The following GDAP1L1 variants were observed in gnomAD, a reference collection of about 807,000 sequenced individuals.
GDAP1L1 encodes the protein ganglioside induced differentiation associated protein 1 like 1, also known as ganglioside-induced differentiation-associated protein 1-like 1.
In GDAP1L1, 21 loss-of-function variants were observed where a neutral mutation model predicts 37.1. The observed-to-expected ratio is 0.57, with a 90% confidence interval of 0.40 to 0.81. The LOEUF (loss-of-function observed/expected upper bound fraction) is 0.81, where lower values mean the gene tolerates loss of function less well. Ranked by LOEUF, GDAP1L1 falls within the 40% of genes least tolerant of loss-of-function variation. The pLI is 0.00. For missense variants in GDAP1L1, 362 were observed against 491.6 expected (o/e 0.74, Z 2.49); for synonymous variants, 193 against 209.1 (o/e 0.92, Z 0.67).
At chr20:44,277,393 C>T (rs533789774) in intron 5 of GDAP1L1, among the ~76,000 whole-genome samples, 20 of 152,280 alleles carry the variant, frequency 1.3e-4, no homozygotes, top group Admixed American at 9.8e-4. Flanking sequence ...GGGGGAACAG[C>T]GAGGGCAAAG....
chr20:44,258,140 T>G, intron 2 of GDAP1L1: 2 of 717,330 alleles, frequency 2.8e-6, no homozygotes, highest in Non-Finnish European at 5.2e-6. Context: ...ACCCAAGCAT[T>G]GAGCACCCAG....
chr20:44,277,233 C>T (rs1223265092), intron 5 of GDAP1L1, among the ~76,000 whole-genome samples: 1 of 152,136 alleles, frequency 6.6e-6, no homozygotes, highest in Non-Finnish European at 1.5e-5. Flanking sequence ...TCCCAAAGTG[C>T]TGGGATTACA....
chr20:44,267,592 C>G (rs2062467772), intron 5 of GDAP1L1, among the ~76,000 whole-genome samples: 1 of 148,268 alleles, frequency 6.7e-6, no homozygotes, highest in Non-Finnish European at 1.5e-5. Flanking sequence ...GCCTAGGCAC[C>G]AGAGCAAGAC....
Position 44,279,350 on chromosome 20 carries a change from G to GATTCCCCGTGAGCTCTCC in GDAP1L1, c.*67_*68insCATTCCCCGTGAGCTCTC. On this transcript the variant is annotated 3_prime_UTR_variant, in exon 6 of 6. Coordinates refer to ENST00000342560, the MANE Select transcript of GDAP1L1 (RefSeq NM_024034.6). ...GACTGTCGGTGTCTCTGTGCTGTGT[G>GATTCCCCGTGAGCTCTCC]ATTCCCCGTGAGCTCTCAGTAACTC... 1 of 1,196,824 alleles carries GATTCCCCGTGAGCTCTCC rather than the reference G, an allele frequency of 8.4e-7. No individual in the cohort carries two copies. The allele number at this position is 1,196,824 out of a possible 1,614,324, so 74.1% of individuals were successfully genotyped here. A position where few individuals can be genotyped will look rare whatever the true frequency, so the allele number is the denominator to read the frequency against.
chr20:44,264,744 G>A (rs751139976), intron 5 of GDAP1L1, 185 bp downstream of exon 5: 63 of 1,318,894 alleles, frequency 4.8e-5, no homozygotes, highest in African/African-American at 7.5e-5. Context: ...AGTAAATGTG[G>A]TCAGGTTCTC....
In GDAP1L1 at chr20:44,279,451, C is replaced by A. The variant is rs1317638052; in HGVS notation, c.*151C>A. 2.8e-6 allele frequency: 2 copies of A among 711,496 alleles called. No individual in the cohort carries two copies. The highest frequency in any genetic ancestry group is 5.2e-6 in the Non-Finnish European group (2 of 386,228). 44.1% of individuals were successfully genotyped at this position (711,496 alleles called of 1,614,324 possible). A position where few individuals can be genotyped will look rare whatever the true frequency, so the allele number is the denominator to read the frequency against. Reference sequence around the variant, plus strand: ...TAATACCGTCAGTGTGAAAACATTCCGTAGTTTAGAAGTAGACGTTGCCAA... The same window carrying A: ...TAATACCGTCAGTGTGAAAACATTCAGTAGTTTAGAAGTAGACGTTGCCAA... On this transcript the variant is annotated 3_prime_UTR_variant, in exon 6 of 6. Coordinates refer to ENST00000342560, the MANE Select transcript of GDAP1L1 (RefSeq NM_024034.6).
chr20:44,257,423 C>T (rs957778612), intron 2 of GDAP1L1, 78 bp downstream of exon 2: 19 of 1,384,686 alleles, frequency 1.4e-5, no homozygotes, highest in Middle Eastern at 1.8e-4. Flanking sequence ...GACGGGGTCC[C>T]AGAACTTTGG....
At position 44,263,328 on chromosome 20, in the gene GDAP1L1, G is replaced by A. The variant is rs763946943; in HGVS notation, c.645+1G>A. ...CCTTTCTAAACAAAAGAAGCTCATG[G>A]TGAGTACCTCCCGGCCTGCTGAGTC... is the stretch of plus-strand genomic sequence containing the variant. On this transcript the variant is annotated splice_donor_variant, in intron 4 of 5. Transcript: ENST00000342560. LOFTEE classifies it high-confidence loss of function. 3 of 1,607,532 alleles carry A rather than the reference G, an allele frequency of 1.9e-6. No individual in the cohort carries two copies. In the African/African-American group the frequency reaches 4.0e-5, roughly 21 times the overall value.
chr20:44,268,574 A>T (rs2062479991), intron 5 of GDAP1L1, among the ~76,000 whole-genome samples: 1 of 152,210 alleles, frequency 6.6e-6, no homozygotes, highest in Admixed American at 6.5e-5. Context: ...AGAATTGCAC[A>T]CAGCGATAAG....
Position 44,258,620 on chromosome 20 carries a change from G to A in GDAP1L1, c.547+13G>A. On this transcript the variant is annotated intron_variant, in intron 3 of 5. Coordinates refer to ENST00000342560, the MANE Select transcript of GDAP1L1 (RefSeq NM_024034.6). ...GCCGAGATCCGCAGTGAGTGCCAGG[G>A]CGGCGAGACAGCCCCTCTGCTTTCC... is the stretch of plus-strand genomic sequence containing the variant. 1 of 1,583,204 alleles carries A rather than the reference G, an allele frequency of 6.3e-7. No individual in the cohort carries two copies. Among genetic ancestry groups the A allele is most frequent in the Non-Finnish European group, 8.6e-7 (1 of 1,162,280 alleles).
rs1358011158 is a variant in GDAP1L1, at chr20:44,247,574, C to G, written c.180+60C>G. The G allele has an allele frequency of 2.8e-6, 4 of 1,425,480 alleles. No individual in the cohort carries two copies. The African/African-American group carries it at 5.8e-5, about 21-fold the overall frequency. 88.3% of individuals were successfully genotyped at this position (1,425,480 alleles called of 1,614,324 possible). The stretch of plus-strand genomic sequence containing the variant: ...CCAGGAAGCTTGGGGAGGGGAGCCC[C>G]AGGGCTTGAGGGATCTGAGGGCGGC... On this transcript the variant is annotated intron_variant, in intron 1 of 5. Coordinates refer to ENST00000342560, the MANE Select transcript of GDAP1L1 (RefSeq NM_024034.6).
chr20:44,276,709 G>T (rs2062586548), intron 5 of GDAP1L1, among the ~76,000 whole-genome samples: 2 of 143,720 alleles, frequency 1.4e-5, no homozygotes, highest in South Asian at 4.5e-4. Context: ...AGCACCTATT[G>T]TATGCCAGGC....
At chr20:44,261,013 C>A (rs1398477302) in intron 3 of GDAP1L1, among the ~76,000 whole-genome samples, 1 of 152,202 alleles carries the variant, frequency 6.6e-6, no homozygotes, top group Non-Finnish European at 1.5e-5. Flanking sequence ...ATTAGGGGCA[C>A]TCTCCCTCAA....
At chr20:44,262,184 T>G (rs2146019838) in intron 3 of GDAP1L1, among the ~76,000 whole-genome samples, 1 of 148,670 alleles carries the variant, frequency 6.7e-6, no homozygotes, top group African/African-American at 2.5e-5. Flanking sequence ...CTGGTAGGGG[T>G]GGGGAGAAGG....
At chr20:44,248,259 G>A (rs1568644461) in intron 1 of GDAP1L1, among the ~76,000 whole-genome samples, 1 of 152,238 alleles carries the variant, frequency 6.6e-6, no homozygotes, top group Non-Finnish European at 1.5e-5. Context: ...TGGGGGTAAG[G>A]CTGTGAACTG....
chr20:44,257,149 G>A lies in GDAP1L1; in HGVS notation c.181-4G>A. On this transcript the variant is annotated splice_region_variant and splice_polypyrimidine_tract_variant and intron_variant, in intron 1 of 5. Transcript: ENST00000342560. Reference sequence around the variant, plus strand: ...CTTCCCCGCTCTGACCCTGGCGCCTGCAGGTGCGGCTGGTGATCGCCGAGA... The same window carrying A: ...CTTCCCCGCTCTGACCCTGGCGCCTACAGGTGCGGCTGGTGATCGCCGAGA... The A allele has an allele frequency of 1.3e-6, 2 of 1,582,480 alleles. No homozygotes were observed. Among genetic ancestry groups the A allele is most frequent in the South Asian group, 1.1e-5 (1 of 87,648 alleles).
In GDAP1L1 at chr20:44,279,222, C is replaced by A. The variant is rs201869807; in HGVS notation, c.1026C>A (p.Phe342Leu). 6.2e-7 allele frequency: 1 copy of A among 1,614,116 alleles called. No homozygotes were observed. Among genetic ancestry groups the A allele is most frequent in the East Asian group, 2.2e-5 (1 of 44,880 alleles). Reference protein sequence around the residue: ...RLVKRKPPSFFGASFLMGSLG... With the variant: ...RLVKRKPPSFLGASFLMGSLG... Reference sequence around the variant, plus strand: ...TCAAGAGGAAACCCCCATCCTTCTTCGGGGCGTCCTTCCTCATGGGCTCCC... The same window carrying A: ...TCAAGAGGAAACCCCCATCCTTCTTAGGGGCGTCCTTCCTCATGGGCTCCC... Residue 342 changes from phenylalanine (F) to leucine (L), a missense_variant, in exon 6 of 6, where the codon TTC becomes TTA. Coordinates refer to ENST00000342560, the MANE Select transcript of GDAP1L1 (RefSeq NM_024034.6).
At chr20:44,274,095 G>A (rs950931692) in intron 5 of GDAP1L1, among the ~76,000 whole-genome samples, 1 of 152,076 alleles carries the variant, frequency 6.6e-6, no homozygotes, top group African/African-American at 2.4e-5. Flanking sequence ...GATGAAATAC[G>A]GTAGTATATA....
chr20:44,251,870 C>T (rs987816720), intron 1 of GDAP1L1, among the ~76,000 whole-genome samples: 46 of 152,126 alleles, frequency 3.0e-4, no homozygotes, highest in African/African-American at 9.2e-4. Flanking sequence ...TATTGAAGTA[C>T]GGCGTTATAT....
Sources: allele counts gnomAD v4.1 joint callset (sites outside exome capture counted in the v4.1 genomes callset), GRCh38; gene constraint gnomAD v4.1.1; transcripts MANE v1.5; gene names NCBI Gene and HGNC (gene_info 2026-07-23, HGNC 2026-07-21).